Variants in STRBP observed in about 807,000 individuals in gnomAD.
STRBP encodes spermatid perinuclear RNA binding protein.
In STRBP, 13 loss-of-function variants were observed where a neutral mutation model predicts 80.1. The observed-to-expected ratio is 0.16, with a 90% confidence interval of 0.11 to 0.26. The LOEUF (loss-of-function observed/expected upper bound fraction) is 0.26, where lower values mean the gene tolerates loss of function less well. STRBP is among the 10% of genes least tolerant of loss of function. The pLI is 1.00. For missense variants in STRBP, 485 were observed against 815.2 expected (o/e 0.59, Z 4.93); for synonymous variants, 284 against 291.2 (o/e 0.98, Z 0.25).
chr9:123,256,708 A>T (rs1010115286), intron 1 of STRBP, among the ~76,000 whole-genome samples: 5 of 152,100 alleles, frequency 3.3e-5, no homozygotes, highest in African/African-American at 1.2e-4. Context: ...CCTAGACAGA[A>T]CACCATTCCG....
At chr9:123,185,925 G>A (rs995946854) in intron 2 of STRBP, among the ~76,000 whole-genome samples, 16 of 151,426 alleles carry the variant, frequency 1.1e-4, no homozygotes, top group Admixed American at 6.6e-4. Context: ...CCAGCTACTC[G>A]GGAGGCTGAG....
At chr9:123,114,196 G>A (rs1261925523) in intron 3 of STRBP, 2 of 167,078 alleles carry the variant, frequency 1.2e-5, no homozygotes, top group African/African-American at 4.8e-5. Context: ...TAGGAAACAG[G>A]TGCAGAAACC....
intron 4 of STRBP, among the ~76,000 whole-genome samples, chr9:123,174,272 C>CA (rs2038127459): frequency 6.6e-6 from 1 of 152,098 alleles, no homozygotes; most frequent in Non-Finnish European, 1.5e-5. Context: ...CCTGTTGCCA[C>CA]AAAAAATGTA....
chr9:123,147,361 T>C (rs1222236549), intron 12 of STRBP, among the ~76,000 whole-genome samples: 3 of 152,098 alleles, frequency 2.0e-5, no homozygotes, highest in African/African-American at 7.2e-5. Context: ...GTCTCAAAAC[T>C]CTAATTCAAA....
intron 3 of STRBP, chr9:123,109,960 A>G (rs1588427529): frequency 6.6e-6 from 1 of 152,356 alleles, no homozygotes; most frequent in Admixed American, 6.5e-5. Context: ...ATAGATTTCT[A>G]AAAACCAACT....
At chr9:123,237,958 A>G (rs1169735131) in intron 1 of STRBP, among the ~76,000 whole-genome samples, 2 of 152,212 alleles carry the variant, frequency 1.3e-5, no homozygotes, top group African/African-American at 4.8e-5. Context: ...CTGGGTTCAA[A>G]TCCCTTCTCC....
chr9:123,143,416 TTTTGA>T (rs921668214), intron 13 of STRBP, among the ~76,000 whole-genome samples: 2 of 152,252 alleles, frequency 1.3e-5, no homozygotes, highest in African/African-American at 4.8e-5. Flanking sequence ...TCTTCTTTTC[TTTTGA>T]TTTGATTCTC....
chr9:123,123,497 C>T lies in STRBP; in HGVS notation c.*2100G>A. On this transcript the variant is annotated 3_prime_UTR_variant, in exon 19 of 19. Transcript: ENST00000348403. ...AGTTTGCAGCAACTGGGCAGGTTTA[C>T]AACATGGTTAGTAACTTCCAACAAA... is the stretch of plus-strand genomic sequence containing the variant. 1 of 976,048 alleles carries T rather than the reference C, an allele frequency of 1.0e-6. No homozygotes were observed. Among genetic ancestry groups the T allele is most frequent in the African/African-American group, 1.8e-5 (1 of 54,290 alleles). The allele number at this position is 976,048 out of a possible 1,614,324, so 60.5% of individuals were successfully genotyped here.
chr9:123,217,214 T>G (rs2039927013), intron 2 of STRBP, among the ~76,000 whole-genome samples: 1 of 152,116 alleles, frequency 6.6e-6, no homozygotes, highest in South Asian at 2.1e-4. Flanking sequence ...TGTAAAAATT[T>G]AAGTCACTGT....
chr9:123,134,271 T>C (rs1228730976), intron 16 of STRBP, among the ~76,000 whole-genome samples: 1 of 152,224 alleles, frequency 6.6e-6, no homozygotes, highest in African/African-American at 2.4e-5. Context: ...CAAAGCGTAC[T>C]CTATGATAAA....
At chr9:123,236,447 C>A (rs1046882247) in intron 2 of STRBP, among the ~76,000 whole-genome samples, 1 of 152,088 alleles carries the variant, frequency 6.6e-6, no homozygotes, top group Non-Finnish European at 1.5e-5. Flanking sequence ...TAAAACATGG[C>A]GTCATTTGTG....
At chr9:123,204,041 G>T (rs1279752796) in intron 2 of STRBP, among the ~76,000 whole-genome samples, 1 of 152,112 alleles carries the variant, frequency 6.6e-6, no homozygotes, top group Non-Finnish European at 1.5e-5. Context: ...CCCTCCCAAA[G>T]CACATCTGTT....
At chr9:123,207,045 G>C (rs964441757) in intron 2 of STRBP, among the ~76,000 whole-genome samples, 3 of 152,114 alleles carry the variant, frequency 2.0e-5, no homozygotes, top group Admixed American at 2.0e-4. Context: ...GCTTTGGAAA[G>C]TCCATTATGT....
intron 14 of STRBP, among the ~76,000 whole-genome samples, chr9:123,138,619 C>T (rs919031324): frequency 3.9e-5 from 6 of 152,218 alleles, no homozygotes; most frequent in East Asian, 3.8e-4. Context: ...AAGAGTCTCA[C>T]AACCCCTTCC....
intron 3 of STRBP, among the ~76,000 whole-genome samples, chr9:123,179,767 G>A (rs575625845): frequency 6.6e-6 from 1 of 152,096 alleles, no homozygotes; most frequent in South Asian, 2.1e-4. Flanking sequence ...AATGAATAAA[G>A]TTATCTTTTA....
At chr9:123,230,835 C>T (rs1564322104) in intron 2 of STRBP, among the ~76,000 whole-genome samples, 1 of 152,108 alleles carries the variant, frequency 6.6e-6, no homozygotes, top group East Asian at 1.9e-4. Flanking sequence ...AACACATGTG[C>T]ATCATTATTT....
chr9:123,207,860 T>C (rs1393317401), intron 2 of STRBP, among the ~76,000 whole-genome samples: 1 of 152,238 alleles, frequency 6.6e-6, no homozygotes, highest in Non-Finnish European at 1.5e-5. Context: ...GAGATATTTG[T>C]GGTGAACACA....
chr9:123,194,663 G>A (rs1478215385), intron 2 of STRBP, among the ~76,000 whole-genome samples: 3 of 151,908 alleles, frequency 2.0e-5, no homozygotes, highest in Admixed American at 6.6e-5. Flanking sequence ...TCATCCCAAT[G>A]CTCCATCAAA....
At position 123,241,500 on chromosome 9, in the gene STRBP, C is replaced by A. The variant is rs528988850; in HGVS notation, c.-301-4534G>T. ...CTCCAGCCAGGGTAACAGAGCAAGA[C>A]CTTGTCAACCCGCACACACAAAAAA... On this transcript the variant is annotated intron_variant, in intron 1 of 18. Coordinates refer to ENST00000348403, the MANE Select transcript of STRBP (RefSeq NM_018387.5). Among the ~76,000 whole-genome samples the A allele has an allele frequency of 4.1e-4, 63 of 152,006 alleles. No individual in the cohort carries two copies. The East Asian group carries it at 0.012, about 29-fold the overall frequency.
Sources: allele counts gnomAD v4.1 joint callset (sites outside exome capture counted in the v4.1 genomes callset), GRCh38; gene constraint gnomAD v4.1.1; transcripts MANE v1.5; gene names NCBI Gene and HGNC (gene_info 2026-07-23, HGNC 2026-07-21).